Variants in SMIM13 observed in about 807,000 individuals in gnomAD.
The protein encoded by SMIM13 is UPF0766 protein C6orf228.
In SMIM13, 3 loss-of-function variants were observed where a neutral mutation model predicts 5.9. That is an observed-to-expected ratio of 0.51 (90% CI 0.23 to 1.31). SMIM13 has a LOEUF of 1.31. Among genes scored for constraint, SMIM13 ranks in the 40% most tolerant of loss-of-function variants. SMIM13 has a pLI of 0.18. For missense variants in SMIM13, 85 were observed against 109.9 expected (o/e 0.77, Z 1.01); for synonymous variants, 55 against 46.0 (o/e 1.19, Z -0.79).
chr6:11,100,813 A>C (rs888814847), intron 1 of SMIM13, among the ~76,000 whole-genome samples: 16 of 152,208 alleles, frequency 1.1e-4, no homozygotes, highest in African/African-American at 3.9e-4. Flanking sequence ...GGTATTGAAA[A>C]ATTTATTGCC....
intron 1 of SMIM13, among the ~76,000 whole-genome samples, chr6:11,109,455 G>A (rs1369738149): frequency 6.6e-6 from 1 of 152,102 alleles, no homozygotes; most frequent in Non-Finnish European, 1.5e-5. Context: ...TGGGTAGAAG[G>A]GGCAATGGGG....
intron 1 of SMIM13, chr6:11,103,832 G>A (rs374970979): frequency 6.4e-7 from 1 of 1,551,646 alleles, no homozygotes; most frequent in African/African-American, 1.4e-5. Flanking sequence ...GCAAAAGTAG[G>A]AGACTAACAA....
intron 1 of SMIM13, among the ~76,000 whole-genome samples, chr6:11,134,065 A>G (rs1758486945): frequency 6.6e-6 from 1 of 152,068 alleles, no homozygotes; most frequent in African/African-American, 2.4e-5. Flanking sequence ...TAAATGGCAA[A>G]GTGAATTCTT....
intron 1 of SMIM13, among the ~76,000 whole-genome samples, chr6:11,117,367 G>A (rs2113657539): frequency 6.6e-6 from 1 of 150,528 alleles, no homozygotes; most frequent in East Asian, 1.9e-4. Context: ...TAATAGAGAC[G>A]GGGTTTCACC....
Position 11,134,620 on chromosome 6 carries a change from A to T in SMIM13, c.*18A>T. On this transcript the variant is annotated 3_prime_UTR_variant, in exon 2 of 2. Coordinates refer to ENST00000416247, the MANE Select transcript of SMIM13 (RefSeq NM_001135575.2). ...TGACATAGTCCTGTACTTGTGAAGG[A>T]TGAAAAGGCAGTTGCCAGCTTCTGT... The T allele has an allele frequency of 7.0e-7, 1 of 1,431,006 alleles. No homozygotes were observed. The highest frequency in any genetic ancestry group is 9.2e-7 in the Non-Finnish European group (1 of 1,082,974). 88.6% of individuals were successfully genotyped at this position (1,431,006 alleles called of 1,614,324 possible).
At chr6:11,098,544 G>T (rs1228988365) in intron 1 of SMIM13, among the ~76,000 whole-genome samples, 1 of 152,168 alleles carries the variant, frequency 6.6e-6, no homozygotes, top group Non-Finnish European at 1.5e-5. Flanking sequence ...TGATTCTCCT[G>T]CCTCAGCCTC....
At chr6:11,096,149 G>A (rs1263301077) in intron 1 of SMIM13, among the ~76,000 whole-genome samples, 1 of 152,166 alleles carries the variant, frequency 6.6e-6, no homozygotes, top group Non-Finnish European at 1.5e-5. Flanking sequence ...CAACCTTTTT[G>A]GTACCAGGGA....
In SMIM13 at chr6:11,098,617, G is replaced by A. The variant is rs1374098261; in HGVS notation, c.76+4228G>A. Among the ~76,000 whole-genome samples, 3 of 152,094 alleles carry A rather than the reference G, an allele frequency of 2.0e-5. No individual in the cohort carries two copies. In the South Asian group the frequency reaches 6.2e-4, roughly 32 times the overall value. ...CAGCTAATTTTTTGTATTTTTAGTA[G>A]TGACGGGGTTTCACCATGTTGGCCA... On this transcript the variant is annotated intron_variant, in intron 1 of 1. Transcript: ENST00000416247.
intron 1 of SMIM13, among the ~76,000 whole-genome samples, chr6:11,121,835 A>T (rs1040486760): frequency 3.9e-5 from 6 of 152,230 alleles, no homozygotes; most frequent in African/African-American, 1.4e-4. Flanking sequence ...GTTGGTCATC[A>T]TATCCATGGT....
At chr6:11,106,586 C>T (rs530140110) in intron 1 of SMIM13, among the ~76,000 whole-genome samples, 1 of 152,334 alleles carries the variant, frequency 6.6e-6, no homozygotes, top group South Asian at 2.1e-4. Context: ...CTATATCATC[C>T]ATTGGTTTCT....
At position 11,137,619 on chromosome 6, in the gene SMIM13, C is replaced by G. The variant is rs914351813; in HGVS notation, c.*3017C>G. 1 of 152,168 alleles carries G rather than the reference C, an allele frequency of 6.6e-6. No individual in the cohort carries two copies. The highest frequency in any genetic ancestry group is 1.5e-5 in the Non-Finnish European group (1 of 68,012). 9.4% of individuals were successfully genotyped at this position (152,168 alleles called of 1,614,324 possible). ...AAGATTAATTCTAAAATTGAGGACT[C>G]TGGTAGGTTGTTTTATTTCCTTCCC... On this transcript the variant is annotated 3_prime_UTR_variant, in exon 2 of 2. Coordinates refer to ENST00000416247, the MANE Select transcript of SMIM13 (RefSeq NM_001135575.2).
chr6:11,127,697 CAGG>C (rs930725941), intron 1 of SMIM13, among the ~76,000 whole-genome samples: 4 of 152,180 alleles, frequency 2.6e-5, no homozygotes, highest in Admixed American at 6.5e-5. Context: ...TATTCACTAC[CAGG>C]AGAACAGTAT....
intron 1 of SMIM13, chr6:11,104,509 C>T (rs1439871564): frequency 1.9e-6 from 3 of 1,561,078 alleles, no homozygotes; most frequent in Non-Finnish European, 2.6e-6. Context: ...GCTGATATGC[C>T]CAGGTAGCTG....
chr6:11,108,570 A>G (rs1758122470), intron 1 of SMIM13, among the ~76,000 whole-genome samples: 1 of 152,132 alleles, frequency 6.6e-6, no homozygotes, highest in African/African-American at 2.4e-5. Context: ...CAGAAGTAGC[A>G]TTTGGGCAAA....
chr6:11,098,577 G>C (rs766632842), intron 1 of SMIM13, among the ~76,000 whole-genome samples: 1 of 152,138 alleles, frequency 6.6e-6, no homozygotes, highest in Admixed American at 6.5e-5. Flanking sequence ...GATTACAGGT[G>C]TCAGCCACCA....
chr6:11,107,622 A>G (rs1758105856), intron 1 of SMIM13, among the ~76,000 whole-genome samples: 1 of 152,196 alleles, frequency 6.6e-6, no homozygotes, highest in South Asian at 2.1e-4. Context: ...ATACAAAAGA[A>G]AGAGTCTTTA....
rs1561762565 is a variant in SMIM13, at chr6:11,135,875, CTT to C, written c.*1274_*1275del. 1.3e-5 allele frequency: 2 copies of C among 152,184 alleles called. No individual in the cohort carries two copies. The highest frequency in any genetic ancestry group is 2.9e-5 in the Non-Finnish European group (2 of 68,034). The allele number at this position is 152,184 out of a possible 1,614,324, so 9.4% of individuals were successfully genotyped here. A position where few individuals can be genotyped will look rare whatever the true frequency, so the allele number is the denominator to read the frequency against. ...TTTCTTAGTGATACATATGGTGCATCTTAACAATTGGTAGTGTCTTAGGTTAA... is the reference window on the plus strand; with the variant it reads ...TTTCTTAGTGATACATATGGTGCATCAACAATTGGTAGTGTCTTAGGTTAA... On this transcript the variant is annotated 3_prime_UTR_variant, in exon 2 of 2. Coordinates refer to ENST00000416247, the MANE Select transcript of SMIM13 (RefSeq NM_001135575.2).
chr6:11,117,802 T>G (rs1581917551), intron 1 of SMIM13, among the ~76,000 whole-genome samples: 1 of 151,762 alleles, frequency 6.6e-6, no homozygotes, highest in East Asian at 1.9e-4. Context: ...CAGGCTGGAG[T>G]GCAGTGGCAA....
intron 1 of SMIM13, chr6:11,104,125 C>T: frequency 1.3e-6 from 2 of 1,551,650 alleles, no homozygotes; most frequent in Non-Finnish European, 1.7e-6. Context: ...AAGGCTTTAG[C>T]CATGGTGTCA....
Sources: allele counts gnomAD v4.1 joint callset (sites outside exome capture counted in the v4.1 genomes callset), GRCh38; gene constraint gnomAD v4.1.1; transcripts MANE v1.5; gene names NCBI Gene and HGNC (gene_info 2026-07-23, HGNC 2026-07-21).